Variants in DENND1A observed in about 807,000 individuals in gnomAD.
The protein encoded by DENND1A is DENN domain-containing protein 1A.
A neutral mutation model predicts 113.7 loss-of-function variants in DENND1A; 51 were observed. The ratio of observed to expected loss-of-function variants is 0.45; its 90% CI spans 0.36 to 0.57. The LOEUF is 0.57. Among genes scored for constraint, DENND1A ranks in the 20% least tolerant of loss-of-function variants. DENND1A has a pLI of 0.00. For missense variants in DENND1A, 1,258 were observed against 1,395.9 expected (o/e 0.90, Z 1.57); for synonymous variants, 565 against 570.8 (o/e 0.99, Z 0.14).
rs576756892 is a variant in DENND1A at position 123,825,827 on chromosome 9, T to G, written c.89-33197A>C. 2.6e-5 allele frequency among the ~76,000 whole-genome samples: 4 copies of G among 152,388 alleles called. No individual in the cohort carries two copies. The East Asian group carries it at 7.7e-4, about 29-fold the overall frequency. ...AATTATACATCCTTGCCTGTTGGCA[T>G]GTGACTTACAGTGCCCTTCTCTGTG... On this transcript the variant is annotated intron_variant, in intron 2 of 23. Transcript: ENST00000394215.
chr9:123,695,451 T>C (rs552682741), intron 5 of DENND1A, among the ~76,000 whole-genome samples: 92 of 152,204 alleles, frequency 6.0e-4, no homozygotes, highest in African/African-American at 2.1e-3. Flanking sequence ...ATAAGAACAC[T>C]ATAGATTCTA....
intron 11 of DENND1A, among the ~76,000 whole-genome samples, chr9:123,602,532 T>C (rs184668486): frequency 1.1e-4 from 16 of 152,320 alleles, no homozygotes; most frequent in African/African-American, 3.8e-4. Flanking sequence ...CGCTCAAACA[T>C]GAAAACAGGT....
At chr9:123,468,795 C>T (rs1248905090) in intron 13 of DENND1A, among the ~76,000 whole-genome samples, 1 of 152,232 alleles carries the variant, frequency 6.6e-6, no homozygotes, top group African/African-American at 2.4e-5. Flanking sequence ...TTCAGGTTAG[C>T]CAGACACTGG....
chr9:123,553,161 G>A (rs1385203885), intron 13 of DENND1A, among the ~76,000 whole-genome samples: 2 of 152,192 alleles, frequency 1.3e-5, no homozygotes, highest in South Asian at 2.1e-4. Flanking sequence ...GGAGGCTGAT[G>A]TGGGAGGATC....
At chr9:123,771,998 C>T (rs1396057104) in intron 3 of DENND1A, among the ~76,000 whole-genome samples, 1 of 152,074 alleles carries the variant, frequency 6.6e-6, no homozygotes, top group Non-Finnish European at 1.5e-5. Flanking sequence ...TGGTGGTGTG[C>T]TGTCAGAAGA....
chr9:123,597,958 T>A (rs1452113243), intron 11 of DENND1A, among the ~76,000 whole-genome samples: 1 of 152,154 alleles, frequency 6.6e-6, no homozygotes, highest in Non-Finnish European at 1.5e-5. Context: ...GATATAAAAT[T>A]TTATTATTTC....
In DENND1A at chr9:123,393,767, A is replaced by G. The variant is rs926133875; in HGVS notation, c.1632-5909T>C. ...GCAGGTGAATATCTACTTAAAAGCA[A>G]CGACGATAAGAATTCTTGTTGCCAC... On this transcript the variant is annotated intron_variant, in intron 21 of 23. Transcript: ENST00000394215. Among the ~76,000 whole-genome samples the G allele has an allele frequency of 5.9e-5, 9 of 152,322 alleles. No homozygotes were observed. In the East Asian group the frequency reaches 1.5e-3, roughly 26 times the overall value.
At chr9:123,432,990 GC>G (rs2046248871) in intron 19 of DENND1A, among the ~76,000 whole-genome samples, 1 of 152,240 alleles carries the variant, frequency 6.6e-6, no homozygotes, top group African/African-American at 2.4e-5. Flanking sequence ...CGCTCTGAGA[GC>G]CTCGGTGAAG....
chr9:123,669,354 T>C (rs2063648069), intron 7 of DENND1A, among the ~76,000 whole-genome samples: 1 of 152,040 alleles, frequency 6.6e-6, no homozygotes, highest in Admixed American at 6.5e-5. Flanking sequence ...TGATAGTAAA[T>C]AGTGAGCCAA....
At chr9:123,550,312 A>G (rs1459556445) in intron 13 of DENND1A, among the ~76,000 whole-genome samples, 1 of 152,254 alleles carries the variant, frequency 6.6e-6, no homozygotes, top group East Asian at 1.9e-4. Context: ...TGTGGGCAGT[A>G]GCTCTGTTCC....
At chr9:123,658,912 G>A (rs1005519460) in intron 8 of DENND1A, among the ~76,000 whole-genome samples, 2 of 152,148 alleles carry the variant, frequency 1.3e-5, no homozygotes, top group Non-Finnish European at 2.9e-5. Flanking sequence ...CGGAGCCAGG[G>A]CCCAGACCAG....
At chr9:123,838,372 A>G (rs1841344849) in intron 2 of DENND1A, among the ~76,000 whole-genome samples, 2 of 152,204 alleles carry the variant, frequency 1.3e-5, no homozygotes, top group South Asian at 4.1e-4. Flanking sequence ...GCGTGTATAT[A>G]TATAATATGT....
intron 19 of DENND1A, among the ~76,000 whole-genome samples, chr9:123,437,134 T>C (rs746127849): frequency 6.6e-6 from 1 of 152,186 alleles, no homozygotes; most frequent in Non-Finnish European, 1.5e-5. Flanking sequence ...TCCCTCTGAT[T>C]GGGCCTGTCC....
At position 123,702,730 on chromosome 9, in the gene DENND1A, GGAGA is replaced by G. The variant is rs201283851; in HGVS notation, c.303-25945_303-25942del. Among the ~76,000 whole-genome samples the G allele has an allele frequency of 2.4e-3, 366 of 152,240 alleles. 1 individual carries two copies. The highest frequency in any genetic ancestry group is 8.5e-3 in the African/African-American group (352 of 41,546). Reference sequence around the variant, plus strand: ...AGCAAATCTGTCCTACAGAAATGAAGGAGAGAGAAAGATTTTTCCAGACAAACAA... The same window carrying G: ...AGCAAATCTGTCCTACAGAAATGAAGGAGAAAGATTTTTCCAGACAAACAA... On this transcript the variant is annotated intron_variant, in intron 5 of 23. Transcript: ENST00000394215.
chr9:123,573,402 A>C (rs1359485803), intron 12 of DENND1A, among the ~76,000 whole-genome samples: 1 of 152,086 alleles, frequency 6.6e-6, no homozygotes, highest in African/African-American at 2.4e-5. Context: ...AATATTGAGT[A>C]AAAAAATATT....
chr9:123,663,381 T>C (rs1159277533), intron 8 of DENND1A, among the ~76,000 whole-genome samples: 1 of 152,234 alleles, frequency 6.6e-6, no homozygotes, highest in Non-Finnish European at 1.5e-5. Context: ...CTATTTCAAA[T>C]AGATGAATAT....
intron 4 of DENND1A, among the ~76,000 whole-genome samples, chr9:123,765,959 A>G (rs951146150): frequency 1.3e-5 from 2 of 152,170 alleles, no homozygotes; most frequent in South Asian, 2.1e-4. Flanking sequence ...TCTGTGGATC[A>G]TGGTTTTCCT....
intron 5 of DENND1A, among the ~76,000 whole-genome samples, chr9:123,736,713 CT>C (rs1459825612): frequency 6.6e-6 from 1 of 152,170 alleles, no homozygotes; most frequent in Admixed American, 6.5e-5. Flanking sequence ...CAATAAAGCC[CT>C]AATGAGCTCA....
chr9:123,887,398 T>A (rs975898660), intron 1 of DENND1A, among the ~76,000 whole-genome samples: 2 of 151,846 alleles, frequency 1.3e-5, no homozygotes, highest in African/African-American at 4.8e-5. Context: ...GAGGAAGACA[T>A]CTACTCAGGG....
Sources: gnomAD v4.1 joint callset for allele counts (sites outside exome capture counted in the v4.1 genomes callset) on GRCh38, gnomAD v4.1.1 for gene constraint, MANE v1.5 for transcripts, NCBI Gene and HGNC (gene_info 2026-07-23, HGNC 2026-07-21) for gene names.